Variants in MYO9B observed in about 807,000 individuals in gnomAD.
MYO9B encodes the protein unconventional myosin-IXb.
In MYO9B, 71 loss-of-function variants were observed where a neutral mutation model predicts 229.5. The observed-to-expected ratio is 0.31, with a 90% confidence interval of 0.26 to 0.38. MYO9B has a LOEUF of 0.38. MYO9B is among the 10% of genes least tolerant of loss of function. The pLI, the probability that MYO9B is intolerant of heterozygous loss-of-function variation, is 1.00. For synonymous variants in MYO9B, 1,185 were observed against 1,235.8 expected, an observed-to-expected ratio of 0.96 and a Z score of 0.86; for missense variants, 2,255 against 2,920.5, an observed-to-expected ratio of 0.77 and a Z score of 5.25.
rs1293383844 is a variant in MYO9B at position 17,101,863 on chromosome 19, A to G, written c.146A>G (p.Lys49Arg). 1 of 1,612,880 alleles carries G rather than the reference A, an allele frequency of 6.2e-7. No individual in the cohort carries two copies. Among genetic ancestry groups the G allele is most frequent in the Non-Finnish European group, 8.5e-7 (1 of 1,179,756 alleles). ...GACAGCACCACCTCGGACGTCATCA[A>G]GGACGCCATTGCCAGCCTGCGGCTG... ...TKDSTTSDVI[K>R]DAIASLRLDG... Residue 49 changes from lysine to arginine, a missense_variant, in exon 2 of 40, where the codon AAG becomes AGG. This residue lies in a region of MYO9B where 386 missense variants were observed against 515.2 expected (regional missense o/e 0.75). Coordinates refer to ENST00000682292, the MANE Select transcript of MYO9B (RefSeq NM_004145.4). This position sits in a 1 kb window ranked among gnomAD's most constrained non-coding sequence, Gnocchi z 4.7.
intron 21 of MYO9B, 58 bp from the exon 22 acceptor site, chr19:17,194,498 T>G: frequency 1.3e-6 from 2 of 1,566,060 alleles, no homozygotes; most frequent in Non-Finnish European, 8.7e-7. Flanking sequence ...CGGAACTCAG[T>G]GGGAGGTGGA....
chr19:17,104,735 A>AAAAAGAC (rs1555801862), intron 2 of MYO9B, among the ~76,000 whole-genome samples: 2 of 150,852 alleles, frequency 1.3e-5, no homozygotes, highest in African/African-American at 2.4e-5. Context: ...TCCGCTTAAA[A>AAAAAGAC]AAAAAACAAA....
chr19:17,146,161 AGATG>A (rs56016892), intron 3 of MYO9B, among the ~76,000 whole-genome samples: 36,683 of 100,020 alleles, frequency 0.37, 5,179 homozygotes, highest in Middle Eastern at 0.49. Context: ...GTGGGTGGAT[AGATG>A]GATGGATGGA....
chr19:17,115,817 A>G (rs964679976), intron 2 of MYO9B, among the ~76,000 whole-genome samples: 5 of 151,690 alleles, frequency 3.3e-5, no homozygotes, highest in African/African-American at 7.3e-5. Context: ...CCCAAATGTA[A>G]TGAAAGCAGC....
intron 35 of MYO9B, 173 bp downstream of exon 35, chr19:17,207,417 G>A: frequency 1.2e-6 from 1 of 831,848 alleles, no homozygotes. Flanking sequence ...AGGATCACTT[G>A]AGGCCAGGAG....
chr19:17,184,303 A>G (rs920193183), intron 16 of MYO9B, among the ~76,000 whole-genome samples: 3 of 152,232 alleles, frequency 2.0e-5, no homozygotes, highest in Non-Finnish European at 2.9e-5. Context: ...GCTTCCAGAC[A>G]GGACAGAGAA....
intron 38 of MYO9B, 56 bp from the exon 39 acceptor site, chr19:17,211,591 C>T: frequency 6.7e-7 from 1 of 1,499,062 alleles, no homozygotes; most frequent in South Asian, 1.3e-5. Context: ...CTGTTCCACA[C>T]TGGCCCAGCA....
chr19:17,182,695 C>T (rs1268523555), intron 15 of MYO9B, among the ~76,000 whole-genome samples: 1 of 151,998 alleles, frequency 6.6e-6, no homozygotes, highest in African/African-American at 2.4e-5. Context: ...CTTATTTTAC[C>T]CCACAGGGAT....
chr19:17,093,588 G>A (rs1359824317), intron 1 of MYO9B, among the ~76,000 whole-genome samples: 1 of 151,732 alleles, frequency 6.6e-6, no homozygotes, highest in Non-Finnish European at 1.5e-5. Context: ...GGGCTCAAGG[G>A]CTGAACTTTT....
intron 36 of MYO9B, 148 bp downstream of exon 36, chr19:17,209,857 C>G (rs1028911297): frequency 2.7e-6 from 3 of 1,100,408 alleles, no homozygotes; most frequent in African/African-American, 1.6e-5. Flanking sequence ...CCTCCCATGC[C>G]GAGGATGGGA....
At chr19:17,082,026 A>G (rs932727721) in intron 1 of MYO9B, among the ~76,000 whole-genome samples, 3 of 151,962 alleles carry the variant, frequency 2.0e-5, no homozygotes, top group African/African-American at 7.3e-5. Context: ...AAGTAACTAC[A>G]CTCTTGGACC....
intron 2 of MYO9B, among the ~76,000 whole-genome samples, chr19:17,107,608 A>G (rs765558355): frequency 4.0e-5 from 6 of 151,626 alleles, no homozygotes; most frequent in African/African-American, 7.3e-5. Context: ...ACGGGGCCGC[A>G]CTCCCTCCCG....
rs2057601140 is a variant in MYO9B, at chr19:17,088,122, C to T, written c.-59+12248C>T. Among the ~76,000 whole-genome samples, 3 of 152,168 alleles carry T rather than the reference C, an allele frequency of 2.0e-5. No individual in the cohort carries two copies. The South Asian group carries it at 6.2e-4, about 32-fold the overall frequency. ...CTCAAAAAAGGTGTCAGCAGGACCA[C>T]ACTCCCTCTGGAGGCTCTACGGGAG... On this transcript the variant is annotated intron_variant, in intron 1 of 39. Transcript: ENST00000682292.
chr19:17,092,722 CA>C lies in MYO9B; in HGVS notation c.-58-8917del, dbSNP rs3067821. Among the ~76,000 whole-genome samples the C allele has an allele frequency of 9.0e-3, 881 of 97,580 alleles. 17 individuals carry two copies. The highest frequency in any genetic ancestry group is 0.028 in the African/African-American group (729 of 26,104). 64.0% of individuals were successfully genotyped at this position (97,580 alleles called of 152,430 possible). A position where few individuals can be genotyped will look rare whatever the true frequency, so the allele number is the denominator to read the frequency against. On this transcript the variant is annotated intron_variant, in intron 1 of 39. Coordinates refer to ENST00000682292, the MANE Select transcript of MYO9B (RefSeq NM_004145.4). ...CCTGGGTGACAGAGCAAGGCTCCGT[CA>C]AAAAAAAAAAAAAAAAAAAAGCGCT...
At position 17,191,092 on chromosome 19, in the gene MYO9B, C is replaced by A. The variant is rs2072979668; in HGVS notation, c.2689-5C>A. ...GATTTTCCTTTCTCCACCCAAATAA[C>A]CTAGGATTTCACCGAGCAGTTCCAG... On this transcript the variant is annotated splice_polypyrimidine_tract_variant and splice_region_variant and intron_variant, in intron 19 of 39. Transcript: ENST00000682292. 1 of 1,611,510 alleles carries A rather than the reference C, an allele frequency of 6.2e-7. No homozygotes were observed. Among genetic ancestry groups the A allele is most frequent in the Non-Finnish European group, 8.5e-7 (1 of 1,178,728 alleles).
chr19:17,200,064 G>T (rs1394988431), intron 24 of MYO9B, among the ~76,000 whole-genome samples: 1 of 152,114 alleles, frequency 6.6e-6, no homozygotes, highest in Non-Finnish European at 1.5e-5. Flanking sequence ...ATAGAGACAG[G>T]GTTTTGCCAT....
intron 23 of MYO9B, 103 bp from the exon 24 acceptor site, chr19:17,198,081 A>C: frequency 6.7e-7 from 1 of 1,495,622 alleles, no homozygotes; most frequent in South Asian, 1.3e-5. Context: ...AAAAAGCAGG[A>C]AGTGAGGTCG....
intron 34 of MYO9B, 42 bp downstream of exon 34, chr19:17,206,826 A>G (rs777602037): frequency 1.3e-6 from 2 of 1,485,068 alleles, no homozygotes; most frequent in Non-Finnish European, 1.8e-6. Context: ...TTAGGGTCGC[A>G]TTGGGAACCC....
Position 17,134,373 on chromosome 19 carries a change from T to TTTTG in MYO9B, c.841-11016_841-11013dup, listed in dbSNP as rs1243643937. Among the ~76,000 whole-genome samples the TTTTG allele has an allele frequency of 1.0e-3, 136 of 134,528 alleles. 1 individual carries two copies. The highest frequency in any genetic ancestry group is 3.7e-3 in the African/African-American group (129 of 35,146). The allele number at this position is 134,528 out of a possible 152,430, so 88.3% of individuals were successfully genotyped here. A position where few individuals can be genotyped will look rare whatever the true frequency, so the allele number is the denominator to read the frequency against. On this transcript the variant is annotated intron_variant, in intron 2 of 39. Transcript: ENST00000682292. ...CAGGATCTCTTTGTTTTTTTTTTCG[T>TTTTG]TTTGTTTGTTTTTTTTTTTTTTTTT...
Sources: allele counts gnomAD v4.1 joint callset (sites outside exome capture counted in the v4.1 genomes callset), GRCh38; gene constraint gnomAD v4.1.1; regional missense constraint gnomAD v4.1.1; non-coding constraint Gnocchi (gnomAD v3.1); transcripts MANE v1.5; gene names NCBI Gene and HGNC (gene_info 2026-07-23, HGNC 2026-07-21).